The following MRPS28 variants were observed in gnomAD, a reference collection of about 807,000 sequenced individuals.
MRPS28 encodes mitochondrial ribosomal protein S28.
Under a neutral mutation model 10.8 loss-of-function variants are expected in MRPS28, and 7 were observed. The ratio of observed to expected loss-of-function variants is 0.65; its 90% CI spans 0.37 to 1.22. The LOEUF is 1.22. MRPS28 is among the 50% of genes most tolerant of loss of function. The probability of loss-of-function intolerance (pLI) is 0.02; values close to 1 mark genes in which losing one functional copy is unlikely to be tolerated. For synonymous variants in MRPS28, 121 were observed against 93.3 expected (o/e 1.30, Z -1.71); for missense variants, 265 against 232.9 (o/e 1.14, Z -0.90).
chr8:79,920,181 A>AGTC (rs1810049144), intron 2 of MRPS28, among the ~76,000 whole-genome samples: 1 of 151,938 alleles, frequency 6.6e-6, no homozygotes, highest in Admixed American at 6.5e-5. Flanking sequence ...TTCTTAATCT[A>AGTC]GTCTATCATT....
At chr8:80,029,842 C>T in intron 1 of MRPS28, 194 bp downstream of exon 1, 1 of 1,534,546 alleles carries the variant, frequency 6.5e-7, no homozygotes, top group Non-Finnish European at 8.7e-7. Flanking sequence ...CACAAAAGGA[C>T]AACGAAAGGA....
intron 2 of MRPS28, among the ~76,000 whole-genome samples, chr8:79,990,088 G>A (rs1478120993): frequency 6.6e-6 from 1 of 152,184 alleles, no homozygotes; most frequent in Non-Finnish European, 1.5e-5. Flanking sequence ...TTGAGCCCAG[G>A]AGGTGGAGGT....
At chr8:79,955,368 G>GT (rs536499162) in intron 2 of MRPS28, among the ~76,000 whole-genome samples, 70 of 152,258 alleles carry the variant, frequency 4.6e-4, no homozygotes, top group South Asian at 1.2e-3. Flanking sequence ...GGTATTAAGA[G>GT]TACCTTTGAC....
At chr8:79,936,743 C>A (rs1324267638) in intron 2 of MRPS28, among the ~76,000 whole-genome samples, 1 of 152,092 alleles carries the variant, frequency 6.6e-6, no homozygotes, top group African/African-American at 2.4e-5. Flanking sequence ...ATGATGGCAA[C>A]CCTTTTAAAA....
intron 2 of MRPS28, among the ~76,000 whole-genome samples, chr8:79,978,518 T>C (rs1807860829): frequency 6.6e-6 from 1 of 152,206 alleles, no homozygotes; most frequent in African/African-American, 2.4e-5. Context: ...ATTTCATACC[T>C]TCTCTAGGTC....
rs193199191 is a variant in MRPS28, at chr8:80,014,102, G to T, written c.214-10922C>A. Among the ~76,000 whole-genome samples, 4 of 152,232 alleles carry T rather than the reference G, an allele frequency of 2.6e-5. No homozygotes were observed. In the South Asian group the frequency reaches 8.3e-4, roughly 32 times the overall value. On this transcript the variant is annotated intron_variant, in intron 1 of 2. Transcript: ENST00000276585. The stretch of plus-strand genomic sequence containing the variant: ...CAAGAAGAAGAAGCTGTGAAAAAAA[G>T]AAAGCTATTCTATCCTGAAGTATTC...
intron 1 of MRPS28, among the ~76,000 whole-genome samples, chr8:80,014,897 T>C (rs1438569547): frequency 6.6e-6 from 1 of 152,200 alleles, no homozygotes; most frequent in African/African-American, 2.4e-5. Flanking sequence ...CAACTCTTCT[T>C]AGATGCATCT....
At chr8:79,995,528 C>T (rs1415578745) in intron 2 of MRPS28, among the ~76,000 whole-genome samples, 1 of 152,100 alleles carries the variant, frequency 6.6e-6, no homozygotes, top group African/African-American at 2.4e-5. Flanking sequence ...ATGCTCATGT[C>T]CAAAACACTC....
intron 2 of MRPS28, among the ~76,000 whole-genome samples, chr8:79,967,878 T>C (rs1010613217): frequency 5.3e-5 from 8 of 152,126 alleles, no homozygotes. Context: ...AGTATATGTA[T>C]ATATACTATT....
At chr8:79,975,320 C>CA (rs1347444726) in intron 2 of MRPS28, among the ~76,000 whole-genome samples, 24 of 152,082 alleles carry the variant, frequency 1.6e-4, no homozygotes, top group Non-Finnish European at 2.8e-4. Flanking sequence ...AATTAATTAA[C>CA]ACTGAAATAT....
chr8:80,008,821 T>C (rs989445448), intron 1 of MRPS28, among the ~76,000 whole-genome samples: 27 of 152,324 alleles, frequency 1.8e-4, no homozygotes, highest in African/African-American at 5.1e-4. Context: ...TTTTACACTG[T>C]TGGTGGGACT....
chr8:79,956,434 T>C (rs2129987635), intron 2 of MRPS28: 1 of 152,180 alleles, frequency 6.6e-6, no homozygotes, highest in Admixed American at 6.5e-5. Flanking sequence ...AATAAATATT[T>C]AGTAATTTAA....
At chr8:79,967,394 T>A (rs1217091423) in intron 2 of MRPS28, among the ~76,000 whole-genome samples, 1 of 152,184 alleles carries the variant, frequency 6.6e-6, no homozygotes, top group South Asian at 2.1e-4. Flanking sequence ...CTAATTCTCT[T>A]TCTCCTGTTC....
At chr8:80,005,560 G>T (rs1808814354) in intron 1 of MRPS28, among the ~76,000 whole-genome samples, 1 of 152,162 alleles carries the variant, frequency 6.6e-6, no homozygotes. Flanking sequence ...TCGATGCTAG[G>T]AAGAAACTGC....
At position 79,966,365 on chromosome 8, in the gene MRPS28, A is replaced by T. The variant is rs577992447; in HGVS notation, c.395+36634T>A. 1.8e-4 allele frequency among the ~76,000 whole-genome samples: 27 copies of T among 152,196 alleles called. No homozygotes were observed. The South Asian group carries it at 5.6e-3, about 32-fold the overall frequency. ...CAGCCTCAAAATATATAAAAGCAAA[A>T]ATTAAAATAATTACTAGCAGCAAAG... On this transcript the variant is annotated intron_variant, in intron 2 of 2. Transcript: ENST00000276585.
At chr8:79,965,677 T>C (rs1265684426) in intron 2 of MRPS28, among the ~76,000 whole-genome samples, 1 of 152,084 alleles carries the variant, frequency 6.6e-6, no homozygotes, top group Non-Finnish European at 1.5e-5. Flanking sequence ...TTATCTTACA[T>C]GTTAATTATA....
intron 1 of MRPS28, among the ~76,000 whole-genome samples, chr8:80,004,126 T>C (rs1808752673): frequency 6.6e-6 from 1 of 152,112 alleles, no homozygotes; most frequent in African/African-American, 2.4e-5. Flanking sequence ...TCTGACAGCT[T>C]TGAAGAGAGT....
intron 2 of MRPS28, among the ~76,000 whole-genome samples, chr8:79,973,265 T>C (rs1333078406): frequency 6.6e-6 from 1 of 151,876 alleles, no homozygotes; most frequent in Non-Finnish European, 1.5e-5. Context: ...CTCAACACAG[T>C]GAAAGAGAGA....
chr8:80,015,365 C>G (rs1979184), intron 1 of MRPS28, among the ~76,000 whole-genome samples: 110,725 of 152,122 alleles, frequency 0.73, 40,494 homozygotes, highest in East Asian at 0.84. Flanking sequence ...AACTCTTCAA[C>G]CAAAGCCTAA....
Sources: allele counts gnomAD v4.1 joint callset (sites outside exome capture counted in the v4.1 genomes callset), GRCh38; gene constraint gnomAD v4.1.1; transcripts MANE v1.5; gene names NCBI Gene and HGNC (gene_info 2026-07-23, HGNC 2026-07-21).